SNX5: variants seen among roughly 807,000 people sequenced by gnomAD.
SNX5 encodes sorting nexin 5, also known as sorting nexin-5.
Under a neutral mutation model 53.9 loss-of-function variants are expected in SNX5, and 31 were observed. The ratio of observed to expected loss-of-function variants is 0.58; its 90% CI spans 0.43 to 0.78. The LOEUF (loss-of-function observed/expected upper bound fraction) is 0.78. Among genes scored for constraint, SNX5 ranks in the 30% least tolerant of loss-of-function variants. The pLI is 0.00. For synonymous variants in SNX5, 168 were observed against 171.1 expected (o/e 0.98, Z 0.14); for missense variants, 471 against 478.8 (o/e 0.98, Z 0.15).
At chr20:17,965,370 T>C (rs191191363) in intron 1 of SNX5, among the ~76,000 whole-genome samples, 4 of 152,182 alleles carry the variant, frequency 2.6e-5, no homozygotes, top group African/African-American at 9.7e-5. Context: ...CTAGTTTAGA[T>C]GACCACTAGG....
chr20:17,964,700 T>C (rs1416310575), intron 1 of SNX5, among the ~76,000 whole-genome samples: 1 of 152,206 alleles, frequency 6.6e-6, no homozygotes, highest in Admixed American at 6.5e-5. Flanking sequence ...CACTACACAC[T>C]GTTGTGACCA....
intron 1 of SNX5, among the ~76,000 whole-genome samples, chr20:17,966,447 G>T (rs1033352133): frequency 2.6e-5 from 4 of 151,614 alleles, no homozygotes; most frequent in African/African-American, 9.7e-5. Flanking sequence ...AATTAACCAT[G>T]CATCTCTTCC....
intron 1 of SNX5, chr20:17,961,408 TG>T (rs1359168262): frequency 1.0e-6 from 1 of 985,348 alleles, no homozygotes; most frequent in Non-Finnish European, 1.2e-6. Context: ...TAAGTGGTTA[TG>T]GTGACTGCAG....
At chr20:17,955,285 A>G (rs2035334004) in intron 3 of SNX5, 80 bp downstream of exon 3, 1 of 956,488 alleles carries the variant, frequency 1.0e-6, no homozygotes, top group South Asian at 1.5e-5. Flanking sequence ...TCCATTAAAA[A>G]AAGTGGATAT....
In SNX5 at chr20:17,950,197, A is replaced by G. The variant is rs758742720; in HGVS notation, c.726T>C (p.Asp242=). 6.2e-7 allele frequency: 1 copy of G among 1,614,068 alleles called. No individual in the cohort carries two copies. Among genetic ancestry groups the G allele is most frequent in the East Asian group, 2.2e-5 (1 of 44,898 alleles). Residue 242 remains aspartate (D), a synonymous_variant, in exon 8 of 13, where the codon GAT becomes GAC. Transcript: ENST00000377759. ...KMTRSHKNVA[D]DYIHTAACLH... ...AGCAGGCTGCGGTGTGGATATAGTC[A>G]TCGGCAACATCTGCAGAAACAAGGA...
intron 8 of SNX5, among the ~76,000 whole-genome samples, chr20:17,949,649 A>C (rs1222390414): frequency 6.6e-6 from 1 of 152,206 alleles, no homozygotes; most frequent in Non-Finnish European, 1.5e-5. Flanking sequence ...TGTACATCAA[A>C]ACAGCTGTGT....
At chr20:17,949,209 T>G (rs1438650994) in intron 8 of SNX5, 106 bp from the exon 9 acceptor site, 5 of 892,508 alleles carry the variant, frequency 5.6e-6, no homozygotes, top group Non-Finnish European at 7.2e-6. Flanking sequence ...TCCTAGCCTT[T>G]GGTACTTTAG....
intron 1 of SNX5, among the ~76,000 whole-genome samples, chr20:17,966,214 G>A (rs1362203397): frequency 1.3e-5 from 2 of 151,916 alleles, no homozygotes; most frequent in African/African-American, 4.8e-5. Context: ...GGTGAAACCC[G>A]GTCTCCACAA....
Position 17,966,354 on chromosome 20 carries a change from C to G in SNX5, c.51+2021G>C, listed in dbSNP as rs1345492964. Among the ~76,000 whole-genome samples the G allele has an allele frequency of 2.0e-5, 3 of 150,290 alleles. No homozygotes were observed. In the East Asian group the frequency reaches 5.9e-4, roughly 29 times the overall value. On this transcript the variant is annotated intron_variant, in intron 1 of 12. Transcript: ENST00000377759. ...GAGCTGAGATCGAGCCATTGCGCTC[C>G]AGCCTGGACGACAGAGCGAGACTCC...
At chr20:17,965,237 A>G (rs1214809867) in intron 1 of SNX5, among the ~76,000 whole-genome samples, 8 of 152,318 alleles carry the variant, frequency 5.3e-5, no homozygotes, top group African/African-American at 1.7e-4. Context: ...GCCGCGTCCT[A>G]GCAGAGGCCA....
chr20:17,964,714 G>A (rs998121455), intron 1 of SNX5, among the ~76,000 whole-genome samples: 6 of 152,138 alleles, frequency 3.9e-5, no homozygotes, highest in African/African-American at 1.4e-4. Flanking sequence ...GTGACCACGG[G>A]CTATTTAAGA....
At chr20:17,946,758 A>G (rs879816322) in intron 11 of SNX5, among the ~76,000 whole-genome samples, 4 of 152,246 alleles carry the variant, frequency 2.6e-5, no homozygotes, top group Admixed American at 2.6e-4. Context: ...AGGTATTTGC[A>G]TGGTCTTAAA....
intron 4 of SNX5, among the ~76,000 whole-genome samples, chr20:17,953,235 A>T (rs1182845449): frequency 6.6e-6 from 1 of 152,034 alleles, no homozygotes; most frequent in Non-Finnish European, 1.5e-5. Context: ...CAGGGCCTGG[A>T]GGTTTGAGTG....
intron 1 of SNX5, among the ~76,000 whole-genome samples, chr20:17,957,821 C>T (rs1051040504): frequency 6.6e-5 from 10 of 152,086 alleles, no homozygotes; most frequent in African/African-American, 2.4e-4. Flanking sequence ...TTCAAATAGC[C>T]AAGGAATCTA....
At position 17,951,536 on chromosome 20, in the gene SNX5, C is replaced by T; in HGVS notation, c.573G>A (p.Val191=). The part of the protein sequence containing the change: ...EMFGGFFKSV[V]KSADEVLFTG... ...TAAAAAGGACTTCATCAGCACTTTT[C>T]ACCACACTTTTGAAGAAGCCACCAA... Residue 191 remains valine, a synonymous_variant, in exon 6 of 13, where the codon GTG becomes GTA. Coordinates refer to ENST00000377759, the MANE Select transcript of SNX5 (RefSeq NM_014426.4). 1 of 1,612,276 alleles carries T rather than the reference C, an allele frequency of 6.2e-7. No homozygotes were observed. Among genetic ancestry groups the T allele is most frequent in the Non-Finnish European group, 8.5e-7 (1 of 1,179,748 alleles).
At chr20:17,944,742 TC>T (rs2039464384) in intron 11 of SNX5, 1 of 152,204 alleles carries the variant, frequency 6.6e-6, no homozygotes, top group Non-Finnish European at 1.5e-5. Flanking sequence ...AGACGGGGTT[TC>T]CCTGTGTTAG....
chr20:17,948,259 C>G (rs1247059099), intron 10 of SNX5, among the ~76,000 whole-genome samples: 1 of 152,188 alleles, frequency 6.6e-6, no homozygotes, highest in Admixed American at 6.5e-5. Flanking sequence ...TAAGTGAGCT[C>G]TTAATTCCAT....
At chr20:17,966,738 G>A (rs957532519) in intron 1 of SNX5, among the ~76,000 whole-genome samples, 1 of 152,088 alleles carries the variant, frequency 6.6e-6, no homozygotes, top group African/African-American at 2.4e-5. Flanking sequence ...ACACATTTCA[G>A]GTAACACACA....
chr20:17,947,789 G>T, intron 10 of SNX5, 144 bp from the exon 11 acceptor site: 2 of 657,678 alleles, frequency 3.0e-6, no homozygotes, highest in Non-Finnish European at 4.7e-6. Context: ...TAAATCTCCA[G>T]CTTCGCAGGG....
Sources: allele counts gnomAD v4.1 joint callset (sites outside exome capture counted in the v4.1 genomes callset), GRCh38; gene constraint gnomAD v4.1.1; transcripts MANE v1.5; gene names NCBI Gene and HGNC (gene_info 2026-07-23, HGNC 2026-07-21).